Variants in POLA2 observed in about 807,000 individuals in gnomAD.
POLA2 encodes the protein DNA polymerase alpha 2, accessory subunit.
In POLA2, 47 loss-of-function variants were observed where a neutral mutation model predicts 82.8. The ratio of observed to expected loss-of-function variants is 0.57; its 90% CI spans 0.45 to 0.72. The LOEUF is 0.72. Among genes scored for constraint, POLA2 ranks in the 30% least tolerant of loss-of-function variants. The pLI is 0.00. For synonymous variants in POLA2, 287 were observed against 286.8 expected, an observed-to-expected ratio of 1.00 and a Z score of -0.01; for missense variants, 634 against 728.1, an observed-to-expected ratio of 0.87 and a Z score of 1.49.
intron 4 of POLA2, 139 bp from the exon 5 acceptor site, chr11:65,275,753 G>A (rs1949570320): frequency 4.5e-6 from 2 of 440,658 alleles, no homozygotes; most frequent in Non-Finnish European, 8.1e-6. Context: ...TGGATGATGG[G>A]GCCTTAAGAA....
chr11:65,273,021 AAAG>A (rs1447551568), intron 4 of POLA2, among the ~76,000 whole-genome samples: 1 of 150,756 alleles, frequency 6.6e-6, no homozygotes, highest in African/African-American at 2.4e-5. Flanking sequence ...CAAAAAAAAA[AAAG>A]AAAAGATGAA....
At chr11:65,286,609 C>T (rs113493407) in intron 10 of POLA2, among the ~76,000 whole-genome samples, 4,803 of 152,086 alleles carry the variant, frequency 0.032, 238 homozygotes, top group African/African-American at 0.11. Context: ...AGGCTGGTCT[C>T]GACCTCCTGA....
intron 10 of POLA2, among the ~76,000 whole-genome samples, chr11:65,284,761 A>T (rs1490781542): frequency 6.6e-6 from 1 of 152,076 alleles, no homozygotes; most frequent in Admixed American, 6.5e-5. Context: ...TCCCAACCTC[A>T]GGTGATCTGC....
chr11:65,288,915 C>G lies in POLA2; in HGVS notation c.1132-135C>G, dbSNP rs1057051899. The G allele has an allele frequency of 2.5e-5, 20 of 791,190 alleles. No homozygotes were observed. The African/African-American group carries it at 3.0e-4, about 12-fold the overall frequency. The allele number at this position is 791,190 out of a possible 1,614,324, so 49.0% of individuals were successfully genotyped here. On this transcript the variant is annotated intron_variant, in intron 11 of 17. Transcript: ENST00000265465. ...CCCGCCAGCCCATCTGCTAACTGTCCCCAGGCTCTACAGGCAGCCTTGGAG... is the reference window on the plus strand; with the variant it reads ...CCCGCCAGCCCATCTGCTAACTGTCGCCAGGCTCTACAGGCAGCCTTGGAG...
intron 13 of POLA2, among the ~76,000 whole-genome samples, chr11:65,293,545 GT>G (rs997111661): frequency 1.3e-5 from 2 of 150,234 alleles, no homozygotes; most frequent in African/African-American, 4.9e-5. Context: ...AGGAGATGAG[GT>G]TGCAGTGAGC....
chr11:65,281,705 G>A lies in POLA2; in HGVS notation c.936G>A (p.Arg312=). ...TGGAAGGAATCAACACCACTGGTAG[G>A]AAACTTGTTGCCACCAAACTCTACG... ...VIMEGINTTG[R]KLVATKLYEG... is the part of the protein sequence containing the mutation. Residue 312 remains arginine (R), a synonymous_variant, in exon 9 of 18, where the codon AGG becomes AGA. Coordinates refer to ENST00000265465, the MANE Select transcript of POLA2 (RefSeq NM_002689.4). 6.2e-7 allele frequency: 1 copy of A among 1,614,048 alleles called. No individual in the cohort carries two copies. Among genetic ancestry groups the A allele is most frequent in the Non-Finnish European group, 8.5e-7 (1 of 1,179,924 alleles).
chr11:65,292,401 G>A (rs567435386), intron 13 of POLA2, among the ~76,000 whole-genome samples: 1 of 152,312 alleles, frequency 6.6e-6, no homozygotes, highest in Non-Finnish European at 1.5e-5. Flanking sequence ...CCTTCTATAG[G>A]CGCTTTCTAA....
At chr11:65,300,833 C>T (rs1291781198), downstream of POLA2, among the ~76,000 whole-genome samples, 1 of 152,258 alleles carries the variant, frequency 6.6e-6, no homozygotes, top group Non-Finnish European at 1.5e-5. Flanking sequence ...CCGCCCACCT[C>T]GGCTTCCCAG....
intron 15 of POLA2, 76 bp from the exon 16 acceptor site, chr11:65,295,464 A>T: frequency 7.8e-7 from 1 of 1,275,332 alleles, no homozygotes; most frequent in Non-Finnish European, 1.1e-6. Flanking sequence ...CTGGTTTATT[A>T]AATTCTCCAG....
At chr11:65,294,037 G>T (rs1949782793) in intron 13 of POLA2, 116 bp from the exon 14 acceptor site, 2 of 826,186 alleles carry the variant, frequency 2.4e-6, no homozygotes, top group Non-Finnish European at 4.3e-6. Context: ...GTTCTGAGCT[G>T]CCTCCCTCGG....
chr11:65,281,345 C>T (rs528849674), intron 8 of POLA2, among the ~76,000 whole-genome samples, 198 bp downstream of exon 8: 3 of 152,232 alleles, frequency 2.0e-5, no homozygotes, highest in Admixed American at 6.5e-5. Context: ...GACCTGACTG[C>T]GCAGCCTCAA....
At chr11:65,297,015 C>A in intron 17 of POLA2, 105 bp from the exon 18 acceptor site, 1 of 1,156,418 alleles carries the variant, frequency 8.6e-7, no homozygotes, top group Non-Finnish European at 1.2e-6. Flanking sequence ...TTTCCATTTT[C>A]TAAAACCCTC....
intron 1 of POLA2, among the ~76,000 whole-genome samples, chr11:65,264,363 C>T (rs1326255185): frequency 1.3e-5 from 2 of 152,142 alleles, no homozygotes; most frequent in Non-Finnish European, 2.9e-5. Flanking sequence ...GCCACCACAC[C>T]TGTTCTACTT....
Position 65,290,248 on chromosome 11 carries a change from CAAAA to C in POLA2, c.1244+393_1244+396del, listed in dbSNP as rs34183279. ...AGGCAAAAAGAGCGCAACTCCATCT[CAAAA>C]AAAAAAAAAAAAAAAAGCTGGGCGT... is the stretch of plus-strand genomic sequence containing the variant. On this transcript the variant is annotated intron_variant, in intron 13 of 17. Transcript: ENST00000265465. Among the ~76,000 whole-genome samples, 194 of 71,236 alleles carry C rather than the reference CAAAA, an allele frequency of 2.7e-3. 1 individual carries two copies. The highest frequency in any genetic ancestry group is 9.5e-3 in the African/African-American group (188 of 19,758). 46.7% of individuals were successfully genotyped at this position (71,236 alleles called of 152,430 possible).
intron 4 of POLA2, among the ~76,000 whole-genome samples, chr11:65,274,078 A>G (rs1211825405): frequency 6.6e-6 from 1 of 152,182 alleles, no homozygotes; most frequent in Non-Finnish European, 1.5e-5. Context: ...ACAGCTACTA[A>G]AAAGGATAAA....
At chr11:65,289,189 T>A in intron 12 of POLA2, 101 bp downstream of exon 12, 1 of 882,662 alleles carries the variant, frequency 1.1e-6, no homozygotes, top group Non-Finnish European at 1.8e-6. Flanking sequence ...ACAAACACAT[T>A]AAGTCCTGTG....
At chr11:65,288,512 G>GTTTTTTTTTTTTTTTTTTTTTTTTTTTT in intron 11 of POLA2, among the ~76,000 whole-genome samples, 1 of 119,950 alleles carries the variant, frequency 8.3e-6, no homozygotes, top group Non-Finnish European at 1.6e-5. Context: ...TTTGTTTTTT[G>GTTTTTTTTTTTTTTTTTTTTTTTTTTTT]TTTTTTTTTT....
At chr11:65,288,768 C>G (rs1949724838) in intron 11 of POLA2, among the ~76,000 whole-genome samples, 1 of 152,196 alleles carries the variant, frequency 6.6e-6, no homozygotes, top group Non-Finnish European at 1.5e-5. Context: ...AATCTGCCCA[C>G]CTCAGCTTCC....
chr11:65,295,227 C>T (rs1344272879), intron 15 of POLA2, among the ~76,000 whole-genome samples: 2 of 152,240 alleles, frequency 1.3e-5, no homozygotes, highest in Non-Finnish European at 2.9e-5. Context: ...CCTGGCTACA[C>T]ACCCGCCTCA....
Sources: allele counts gnomAD v4.1 joint callset (sites outside exome capture counted in the v4.1 genomes callset), GRCh38; gene constraint gnomAD v4.1.1; transcripts MANE v1.5; gene names NCBI Gene and HGNC (gene_info 2026-07-23, HGNC 2026-07-21).